PRMT9: variants seen among roughly 807,000 people sequenced by gnomAD.
The protein encoded by PRMT9 is protein arginine methyltransferase 9.
In PRMT9, 59 loss-of-function variants were observed where a neutral mutation model predicts 83.2. The ratio of observed to expected loss-of-function variants is 0.71; its 90% CI spans 0.57 to 0.88. The LOEUF (loss-of-function observed/expected upper bound fraction) is 0.88, where lower values mean the gene tolerates loss of function less well. Among genes scored for constraint, PRMT9 ranks in the 40% least tolerant of loss-of-function variants. The probability of loss-of-function intolerance (pLI) is 0.00; values close to 1 mark genes in which losing one functional copy is unlikely to be tolerated. For missense variants in PRMT9, 947 were observed against 1,021.9 expected (o/e 0.93, Z 1.00); for synonymous variants, 333 against 353.2 (o/e 0.94, Z 0.64).
At chr4:147,658,953 A>G (rs1288817158) in intron 7 of PRMT9, among the ~76,000 whole-genome samples, 2 of 152,004 alleles carry the variant, frequency 1.3e-5, no homozygotes, top group Non-Finnish European at 2.9e-5. Context: ...GCCAAGGCGG[A>G]CGGATCACGA....
chr4:147,643,251 A>G (rs1302648674), intron 9 of PRMT9, among the ~76,000 whole-genome samples: 1 of 152,166 alleles, frequency 6.6e-6, no homozygotes, highest in Non-Finnish European at 1.5e-5. Flanking sequence ...TGGGTGACAG[A>G]GTGAGACTCT....
Position 147,683,926 on chromosome 4 carries a change from CG to C in PRMT9, c.61del (p.Arg21GlyfsTer38), listed in dbSNP as rs767015600. ...CAAGGACCGCGACACCAGCTCGTCCCGGCCGGCTGCCCCAGCGCCACCCCCG... is the reference window on the plus strand; with the variant it reads ...CAAGGACCGCGACACCAGCTCGTCCCGCCGGCTGCCCCAGCGCCACCCCCG... ...DAGGGAGAAG[R>X]DELVSRSLQS... On this transcript the variant is annotated frameshift_variant, in exon 1 of 12. Coordinates refer to ENST00000322396, the MANE Select transcript of PRMT9 (RefSeq NM_138364.4). LOFTEE classifies it high-confidence loss of function. 6.2e-7 allele frequency: 1 copy of C among 1,613,002 alleles called. No individual in the cohort carries two copies. The highest frequency in any genetic ancestry group is 1.1e-5 in the South Asian group (1 of 91,070).
chr4:147,671,500 G>A, intron 4 of PRMT9, among the ~76,000 whole-genome samples: 1 of 152,182 alleles, frequency 6.6e-6, no homozygotes, highest in Admixed American at 6.5e-5. Context: ...GTAGTTAGAA[G>A]ATAAGAAAAG....
chr4:147,654,514 G>C lies in PRMT9; in HGVS notation c.1383C>G (p.Asp461Glu), dbSNP rs1410096134. The change falls in exon 9 of 12, where the codon GAC (aspartate) becomes GAG (glutamate). Residue 461 changes from aspartate to glutamate, a missense_variant. Coordinates refer to ENST00000322396, the MANE Select transcript of PRMT9 (RefSeq NM_138364.4). ...TAATACTCTGGATTCTTAAGTAACA[G>C]TCTTGACAAGATACTTCCATCATCA... is the stretch of plus-strand genomic sequence containing the variant. ...DHVMMEVSCQ[D>E]CYLRIQSISV... 2 of 1,613,638 alleles carry C rather than the reference G, an allele frequency of 1.2e-6. No individual in the cohort carries two copies. The highest frequency in any genetic ancestry group is 1.7e-6 in the Non-Finnish European group (2 of 1,179,908).
intron 2 of PRMT9, among the ~76,000 whole-genome samples, chr4:147,675,195 GT>G (rs1307678580): frequency 6.6e-6 from 1 of 152,078 alleles, no homozygotes; most frequent in Non-Finnish European, 1.5e-5. Context: ...GGTCAGGCTG[GT>G]CGCAAACTCC....
At chr4:147,646,552 T>C (rs942330083) in intron 9 of PRMT9, among the ~76,000 whole-genome samples, 1 of 151,430 alleles carries the variant, frequency 6.6e-6, no homozygotes, top group African/African-American at 2.4e-5. Flanking sequence ...AAGTCAAGGC[T>C]GCAGTGAGCC....
Position 147,638,474 on chromosome 4 carries a change from CAA to C in PRMT9, c.*56_*57del. On this transcript the variant is annotated 3_prime_UTR_variant, in exon 12 of 12. Coordinates refer to ENST00000322396, the MANE Select transcript of PRMT9 (RefSeq NM_138364.4). ...TTTTATATACCCCCACTAATTAAGACAAGAATTTTGTACTTGTTGATGCTCTA... is the reference window on the plus strand; with the variant it reads ...TTTTATATACCCCCACTAATTAAGACGAATTTTGTACTTGTTGATGCTCTA... The C allele has an allele frequency of 1.5e-6, 2 of 1,360,960 alleles. No homozygotes were observed. Among genetic ancestry groups the C allele is most frequent in the Non-Finnish European group, 2.1e-6 (2 of 951,694 alleles). 84.3% of individuals were successfully genotyped at this position (1,360,960 alleles called of 1,614,324 possible).
chr4:147,661,739 G>A (rs1560986981), intron 6 of PRMT9, among the ~76,000 whole-genome samples: 5 of 131,752 alleles, frequency 3.8e-5, no homozygotes, highest in Admixed American at 1.8e-4. Context: ...GCTGTGAGCC[G>A]AGATCACGCC....
At position 147,639,086 on chromosome 4, in the gene PRMT9, G is replaced by A. The variant is rs759111616; in HGVS notation, c.2200-4C>T. On this transcript the variant is annotated splice_region_variant and splice_polypyrimidine_tract_variant and intron_variant, in intron 10 of 11. Coordinates refer to ENST00000322396, the MANE Select transcript of PRMT9 (RefSeq NM_138364.4). ...CCAAAAATACACGTATAGGTACCTA[G>A]AGAAAGTATAAATTTTTCACTTTCA... is the stretch of plus-strand genomic sequence containing the variant. 3.1e-6 allele frequency: 5 copies of A among 1,613,256 alleles called. No homozygotes were observed. The highest frequency in any genetic ancestry group is 4.2e-6 in the Non-Finnish European group (5 of 1,179,438).
Position 147,684,136 on chromosome 4 carries a change from A to C in PRMT9, c.-149T>G. The C allele has an allele frequency of 1.1e-6, 1 of 930,084 alleles. No homozygotes were observed. Among genetic ancestry groups the C allele is most frequent in the Non-Finnish European group, 1.7e-6 (1 of 604,382 alleles). 57.6% of individuals were successfully genotyped at this position (930,084 alleles called of 1,614,324 possible). ...CGCCGCGGGTGAACTCGCCAACCCCAGCCCAGGCGGAAGCTCCGCCCCGTC... is the reference window on the plus strand; with the variant it reads ...CGCCGCGGGTGAACTCGCCAACCCCCGCCCAGGCGGAAGCTCCGCCCCGTC... On this transcript the variant is annotated 5_prime_UTR_variant, in exon 1 of 12. Coordinates refer to ENST00000322396, the MANE Select transcript of PRMT9 (RefSeq NM_138364.4).
At chr4:147,657,708 C>A in intron 8 of PRMT9, 84 bp downstream of exon 8, 3 of 1,046,872 alleles carry the variant, frequency 2.9e-6, no homozygotes, top group Non-Finnish European at 4.4e-6. Flanking sequence ...ACCTTCATAT[C>A]CAAAGTAATT....
rs112534940 is a variant in PRMT9 at position 147,642,896 on chromosome 4, A to G, written c.2090T>C (p.Leu697Pro). The G allele has an allele frequency of 6.2e-7, 1 of 1,614,142 alleles. No individual in the cohort carries two copies. The highest frequency in any genetic ancestry group is 1.7e-5 in the Admixed American group (1 of 60,030). ...SGGKIFPQYV[L>P]MFGLLVESQT... Reference sequence around the variant, plus strand: ...TGATTCCACAAGCAACCCAAACATCAGCACATACTGAGGAAAGATCTTGCC... The same window carrying G: ...TGATTCCACAAGCAACCCAAACATCGGCACATACTGAGGAAAGATCTTGCC... The change falls in exon 10 of 12, where the codon CTG becomes CCG. Residue 697 changes from leucine (L) to proline (P), a missense_variant. Coordinates refer to ENST00000322396, the MANE Select transcript of PRMT9 (RefSeq NM_138364.4).
intron 6 of PRMT9, among the ~76,000 whole-genome samples, chr4:147,665,374 T>C (rs757460930): frequency 6.6e-6 from 1 of 152,202 alleles, no homozygotes; most frequent in African/African-American, 2.4e-5. Context: ...TTTATGTATT[T>C]ATTAATCTGC....
chr4:147,672,906 G>C (rs1299129599), intron 4 of PRMT9, 53 bp downstream of exon 4: 1 of 1,505,294 alleles, frequency 6.6e-7, no homozygotes, highest in Non-Finnish European at 9.2e-7. Flanking sequence ...ATATATCTTA[G>C]TTTTTTAAAA....
intron 2 of PRMT9, 75 bp downstream of exon 2, chr4:147,680,248 A>C (rs567349502): frequency 2.2e-6 from 3 of 1,379,234 alleles, no homozygotes; most frequent in Non-Finnish European, 3.1e-6. Context: ...CCCTGTTAAA[A>C]TTACAGTATG....
chr4:147,668,636 C>T lies in PRMT9; in HGVS notation c.856G>A (p.Glu286Lys). 1.3e-6 allele frequency: 2 copies of T among 1,596,646 alleles called. No homozygotes were observed. The highest frequency in any genetic ancestry group is 2.7e-5 in the African/African-American group (2 of 74,684). ...CCATACTTTTCACAATTAGCACTTT[C>T]ACCTTTGGTCTAAAAAAAATAACAA... ...HLLLQPKTKG[E>K]SANCEKYGKV... Residue 286 changes from glutamate (E) to lysine (K), a missense_variant, in exon 6 of 12, where the codon GAA becomes AAA. Physicochemically the swap from Glu to Lys is moderately conservative, Grantham distance 56. Coordinates refer to ENST00000322396, the MANE Select transcript of PRMT9 (RefSeq NM_138364.4).
intron 10 of PRMT9, among the ~76,000 whole-genome samples, chr4:147,641,726 A>T (rs1733415948): frequency 6.6e-6 from 1 of 152,126 alleles, no homozygotes; most frequent in Admixed American, 6.6e-5. Context: ...CAGTGTCGTG[A>T]TTTCAGCTTA....
intron 2 of PRMT9, among the ~76,000 whole-genome samples, chr4:147,677,836 C>T (rs1056242031): frequency 1.3e-5 from 2 of 151,988 alleles, no homozygotes; most frequent in East Asian, 1.9e-4. Flanking sequence ...GAGAGACATA[C>T]GATCCAAAAT....
intron 10 of PRMT9, 125 bp from the exon 11 acceptor site, chr4:147,639,207 A>C: frequency 1.2e-6 from 1 of 839,262 alleles, no homozygotes; most frequent in Non-Finnish European, 1.9e-6. Context: ...AGTACTTGAC[A>C]GAATGCTTTT....
Sources: gnomAD v4.1 joint callset for allele counts (sites outside exome capture counted in the v4.1 genomes callset) on GRCh38, gnomAD v4.1.1 for gene constraint, MANE v1.5 for transcripts, NCBI Gene and HGNC (gene_info 2026-07-23, HGNC 2026-07-21) for gene names.